The following ZNF536 variants were observed in gnomAD, a reference collection of about 807,000 sequenced individuals.
ZNF536 encodes zinc finger protein 536.
Under a neutral mutation model 84.5 loss-of-function variants are expected in ZNF536, and 13 were observed. That is an observed-to-expected ratio of 0.15 (90% confidence interval 0.10 to 0.24). ZNF536 has a LOEUF of 0.24. Ranked by LOEUF, ZNF536 falls within the 10% of genes least tolerant of loss-of-function variation. The pLI is 1.00. For missense variants in ZNF536, 1,536 were observed against 1,747.5 expected (o/e 0.88, Z 2.16); for synonymous variants, 811 against 742.5 (o/e 1.09, Z -1.50).
chr19:30,529,893 C>T (rs1014432178), intron 2 of ZNF536, among the ~76,000 whole-genome samples: 3 of 152,226 alleles, frequency 2.0e-5, no homozygotes, highest in South Asian at 4.1e-4. Flanking sequence ...AAGGCACCCA[C>T]ATCTGAAGAA....
At chr19:30,532,881 T>C (rs1325691694) in intron 2 of ZNF536, among the ~76,000 whole-genome samples, 1 of 152,230 alleles carries the variant, frequency 6.6e-6, no homozygotes, top group Admixed American at 6.5e-5. Context: ...TGCAACACTC[T>C]CTTGTGTCCA....
At chr19:30,604,807 C>T (rs939073210) in intron 1 of ZNF536, among the ~76,000 whole-genome samples, 1 of 152,152 alleles carries the variant, frequency 6.6e-6, no homozygotes, top group African/African-American at 2.4e-5. Flanking sequence ...AGTGACTGGC[C>T]TGAGGTTGCA....
intron 2 of ZNF536, among the ~76,000 whole-genome samples, chr19:30,472,743 A>C (rs2053688371): frequency 6.6e-6 from 1 of 152,104 alleles, no homozygotes; most frequent in Non-Finnish European, 1.5e-5. Context: ...GGCCTGTCAG[A>C]ATCTTAACTC....
chr19:30,596,649 A>G (rs2047473857), intron 1 of ZNF536, among the ~76,000 whole-genome samples: 1 of 151,866 alleles, frequency 6.6e-6, no homozygotes, highest in African/African-American at 2.4e-5. Flanking sequence ...GTAATTATCT[A>G]TTTTTCTAAA....
chr19:30,711,042 T>G (rs888832947), exon 2 of ZNF536: 2 of 152,180 alleles, frequency 1.3e-5, no homozygotes, highest in African/African-American at 4.8e-5. Context: ...TTACACAGTT[T>G]TAACATTATG....
chr19:30,495,498 C>T (rs796160133), intron 2 of ZNF536, among the ~76,000 whole-genome samples: 5 of 152,308 alleles, frequency 3.3e-5, no homozygotes, highest in African/African-American at 1.2e-4. Flanking sequence ...TCTGAACAAG[C>T]AGAGGCATGC....
At chr19:30,476,045 A>T (rs1223906632) in intron 2 of ZNF536, among the ~76,000 whole-genome samples, 1 of 152,198 alleles carries the variant, frequency 6.6e-6, no homozygotes, top group Non-Finnish European at 1.5e-5. Context: ...GTCATTACAC[A>T]TGACTACCAA....
chr19:30,490,259 G>C (rs1057110912), intron 2 of ZNF536, among the ~76,000 whole-genome samples: 12 of 152,134 alleles, frequency 7.9e-5, no homozygotes, highest in Admixed American at 7.9e-4. Flanking sequence ...ATAAGCCCTA[G>C]AATGGTGAGA....
chr19:30,410,183 A>G (rs1385924908), intron 1 of ZNF536, among the ~76,000 whole-genome samples: 1 of 152,126 alleles, frequency 6.6e-6, no homozygotes, highest in African/African-American at 2.4e-5. Flanking sequence ...TACCCCATTA[A>G]TAATACTCCT....
intron 1 of ZNF536, among the ~76,000 whole-genome samples, chr19:30,645,382 A>G (rs2049427869): frequency 6.6e-6 from 1 of 152,004 alleles, no homozygotes; most frequent in Non-Finnish European, 1.5e-5. Context: ...ATTAGATCCC[A>G]TTTGTCAATT....
At chr19:30,343,561 G>T (rs1426866116) in intron 2 of ZNF536, among the ~76,000 whole-genome samples, 3 of 152,148 alleles carry the variant, frequency 2.0e-5, no homozygotes, top group Non-Finnish European at 4.4e-5. Flanking sequence ...GTGTTCCAGG[G>T]CTACTAACTG....
intron 1 of ZNF536, among the ~76,000 whole-genome samples, chr19:30,276,409 T>C (rs532685674): frequency 6.6e-6 from 1 of 152,324 alleles, no homozygotes; most frequent in African/African-American, 2.4e-5. Context: ...TTTTCTTAAC[T>C]GTCAGTGAAG....
chr19:30,321,654 CT>C lies in ZNF536; in HGVS notation c.-119-30713del, dbSNP rs534626173. Among the ~76,000 whole-genome samples, 285 of 151,658 alleles carry C rather than the reference CT, an allele frequency of 1.9e-3. 1 individual carries two copies. The highest frequency in any genetic ancestry group is 2.6e-3 in the Non-Finnish European group (176 of 67,954). ...GGAATCAAAGTGCCCTTAATTACCC[CT>C]GTTCCAACACAAACCAGATGCTAAC... On this transcript the variant is annotated intron_variant, in intron 2 of 5. Transcript: ENST00000585628.
At chr19:30,591,426 G>A (rs764208846) in intron 1 of ZNF536, among the ~76,000 whole-genome samples, 2 of 152,204 alleles carry the variant, frequency 1.3e-5, no homozygotes, top group African/African-American at 2.4e-5. Context: ...GCAAAGGCAT[G>A]TCTTCCATGG....
chr19:30,629,398 G>A (rs2048806250), intron 1 of ZNF536, among the ~76,000 whole-genome samples: 1 of 151,980 alleles, frequency 6.6e-6, no homozygotes, highest in Admixed American at 6.6e-5. Flanking sequence ...GTTTTGCCAT[G>A]TTGCCCAAGC....
chr19:30,508,134 G>T (rs1303117716), intron 2 of ZNF536, among the ~76,000 whole-genome samples: 2 of 152,180 alleles, frequency 1.3e-5, no homozygotes, highest in Non-Finnish European at 2.9e-5. Context: ...AAGGGGATGG[G>T]GCTGTCGGCT....
At position 30,382,715 on chromosome 19, in the gene ZNF536, C is replaced by T. The variant is rs202045646; in HGVS notation, c.-3+10159C>T. Reference sequence around the variant, plus strand: ...TATGGCTTGGCTTGGCAGAAGCTACCGCAGAGGTGGAATCCACTGGATCCC... The same window carrying T: ...TATGGCTTGGCTTGGCAGAAGCTACTGCAGAGGTGGAATCCACTGGATCCC... On this transcript the variant is annotated intron_variant, in intron 1 of 4. Coordinates refer to ENST00000355537, the MANE Select transcript of ZNF536 (RefSeq NM_014717.3). Among the ~76,000 whole-genome samples, 28 of 152,112 alleles carry T rather than the reference C, an allele frequency of 1.8e-4. No homozygotes were observed. The East Asian group carries it at 4.7e-3, about 25-fold the overall frequency.
intron 2 of ZNF536, among the ~76,000 whole-genome samples, chr19:30,506,700 C>T (rs139741103): frequency 2.2e-4 from 33 of 152,284 alleles, no homozygotes; most frequent in Admixed American, 5.9e-4. Flanking sequence ...TTTCCAAGGA[C>T]GGTCTGCCGA....
At chr19:30,275,153 C>G (rs536559670) in intron 1 of ZNF536, among the ~76,000 whole-genome samples, 1 of 152,298 alleles carries the variant, frequency 6.6e-6, no homozygotes, top group Admixed American at 6.5e-5. Context: ...CAGGCACTGA[C>G]TGCTGGAGAC....
Sources: allele counts gnomAD v4.1 joint callset (sites outside exome capture counted in the v4.1 genomes callset), GRCh38; gene constraint gnomAD v4.1.1; transcripts MANE v1.5; gene names NCBI Gene and HGNC (gene_info 2026-07-23, HGNC 2026-07-21).